Variants in RNF13 observed in about 807,000 individuals in gnomAD.
RNF13 encodes the protein ring finger protein 13.
A neutral mutation model predicts 37.7 loss-of-function variants in RNF13; 19 were observed. The observed-to-expected ratio is 0.50, with a 90% CI of 0.35 to 0.74. The LOEUF is 0.74. Ranked by LOEUF, RNF13 falls within the 30% of genes least tolerant of loss-of-function variation. The pLI is 0.01. For synonymous variants in RNF13, 144 were observed against 157.8 expected (o/e 0.91, Z 0.65); for missense variants, 375 against 453.0 (o/e 0.83, Z 1.56).
intron 2 of RNF13, among the ~76,000 whole-genome samples, chr3:149,850,160 A>G (rs1381544057): frequency 2.0e-5 from 3 of 152,010 alleles, no homozygotes; most frequent in Non-Finnish European, 4.4e-5. Flanking sequence ...TTGTATTTTT[A>G]GTAGAGATGG....
At chr3:149,949,553 A>C (rs183738265) in intron 8 of RNF13, among the ~76,000 whole-genome samples, 2 of 151,076 alleles carry the variant, frequency 1.3e-5, no homozygotes, top group Non-Finnish European at 2.9e-5. Context: ...ATTATCTGAG[A>C]TTCTTGAATT....
intron 5 of RNF13, among the ~76,000 whole-genome samples, chr3:149,901,743 A>T (rs541747294): frequency 1.3e-5 from 2 of 152,266 alleles, no homozygotes; most frequent in East Asian, 3.9e-4. Flanking sequence ...GAAAACCTAA[A>T]ATTTCTTCAT....
chr3:149,911,124 ATC>A (rs1352100837), intron 6 of RNF13, among the ~76,000 whole-genome samples: 1 of 152,198 alleles, frequency 6.6e-6, no homozygotes, highest in African/African-American at 2.4e-5. Flanking sequence ...TTCATTCCAT[ATC>A]TCATAGATAA....
chr3:149,849,656 A>G (rs1722955990), intron 2 of RNF13, among the ~76,000 whole-genome samples: 1 of 152,160 alleles, frequency 6.6e-6, no homozygotes, highest in Admixed American at 6.6e-5. Context: ...GGTTCTTCTA[A>G]TTTACCAGAG....
intron 8 of RNF13, among the ~76,000 whole-genome samples, chr3:149,950,598 C>T (rs1721226556): frequency 6.6e-6 from 1 of 152,078 alleles, no homozygotes; most frequent in Admixed American, 6.5e-5. Context: ...CCTCAGCCTC[C>T]TGAATAGCTG....
chr3:149,959,854 G>A, intron 8 of RNF13: 1 of 413,870 alleles, frequency 2.4e-6, no homozygotes, highest in Non-Finnish European at 4.3e-6. Flanking sequence ...AAACAAATTT[G>A]TCATCAATTT....
chr3:149,958,539 A>C (rs758456706), intron 8 of RNF13, among the ~76,000 whole-genome samples: 19 of 152,202 alleles, frequency 1.2e-4, no homozygotes, highest in Non-Finnish European at 2.6e-4. Context: ...TGAGCCTTAG[A>C]GCCTTGGCAC....
intron 5 of RNF13, among the ~76,000 whole-genome samples, chr3:149,900,793 CTT>C (rs1715749036): frequency 1.3e-5 from 2 of 151,892 alleles, no homozygotes; most frequent in Non-Finnish European, 2.9e-5. Context: ...TTTCTGCCCT[CTT>C]TGGGGCTTAC....
At chr3:149,853,601 A>G (rs183498812) in intron 3 of RNF13, among the ~76,000 whole-genome samples, 1 of 152,106 alleles carries the variant, frequency 6.6e-6, no homozygotes, top group East Asian at 1.9e-4. Context: ...TGTTTGCCAT[A>G]TATGCTTCAG....
At chr3:149,939,348 G>A (rs1223561129) in intron 8 of RNF13, 7 of 453,822 alleles carry the variant, frequency 1.5e-5, no homozygotes, top group Non-Finnish European at 2.9e-5. Flanking sequence ...TTTTTTCTGT[G>A]GAACTTTTCT....
In RNF13 at chr3:149,884,701, C is replaced by G. The variant is rs79513825; in HGVS notation, c.322-10772C>G. Among the ~76,000 whole-genome samples, 123 of 152,138 alleles carry G rather than the reference C, an allele frequency of 8.1e-4. 1 individual carries two copies. The highest frequency in any genetic ancestry group is 2.9e-3 in the African/African-American group (119 of 41,500). ...AACATGTAATGTATAATAATCACAT[C>G]ATAGAAAATGGAGTATCTATGACCT... On this transcript the variant is annotated intron_variant, in intron 4 of 9. Coordinates refer to ENST00000392894, the MANE Select transcript of RNF13 (RefSeq NM_183381.3).
intron 1 of RNF13, among the ~76,000 whole-genome samples, chr3:149,826,279 GTGGCTGCTACATTTGACCTTTA>G (rs1271724781): frequency 3.9e-5 from 6 of 152,230 alleles, no homozygotes; most frequent in Non-Finnish European, 7.3e-5. Flanking sequence ...CAGAGCCCAA[GTGGCTGCTACATTTGACCTTTA>G]TGGCAATAAT....
chr3:149,873,551 A>G (rs1197749809), intron 4 of RNF13, among the ~76,000 whole-genome samples: 8 of 152,126 alleles, frequency 5.3e-5, no homozygotes, highest in Non-Finnish European at 1.0e-4. Flanking sequence ...TGTTGCAGCC[A>G]TACTGCCTAC....
intron 4 of RNF13, among the ~76,000 whole-genome samples, chr3:149,886,493 T>A (rs1216181683): frequency 6.6e-6 from 1 of 152,200 alleles, no homozygotes; most frequent in Non-Finnish European, 1.5e-5. Context: ...GTAGTTTATT[T>A]GTGGATTCTT....
intron 8 of RNF13, among the ~76,000 whole-genome samples, chr3:149,947,392 T>A (rs1720867189): frequency 6.6e-6 from 1 of 151,998 alleles, no homozygotes; most frequent in African/African-American, 2.4e-5. Context: ...TTGCTGCTCA[T>A]TTCTTCTTTC....
At chr3:149,869,917 G>T (rs1158531129) in intron 3 of RNF13, among the ~76,000 whole-genome samples, 2 of 151,772 alleles carry the variant, frequency 1.3e-5, no homozygotes, top group Non-Finnish European at 2.9e-5. Flanking sequence ...TCCCAAAGGG[G>T]CAGTTCCCAA....
At chr3:149,889,292 C>CGTGCGTGTGTGTGT (rs1553761925) in intron 4 of RNF13, among the ~76,000 whole-genome samples, 6 of 138,122 alleles carry the variant, frequency 4.3e-5, no homozygotes. Flanking sequence ...TTTGAGTGTG[C>CGTGCGTGTGTGTGT]GTGTGTGTGT....
At chr3:149,926,365 C>T (rs528815986) in intron 8 of RNF13, among the ~76,000 whole-genome samples, 2 of 152,256 alleles carry the variant, frequency 1.3e-5, no homozygotes, top group South Asian at 2.1e-4. Context: ...GCGCCCGCCA[C>T]CATGCCTGGC....
intron 8 of RNF13, among the ~76,000 whole-genome samples, chr3:149,942,830 A>G (rs750859001): frequency 2.6e-5 from 4 of 152,162 alleles, no homozygotes; most frequent in Non-Finnish European, 5.9e-5. Flanking sequence ...TGTTAAATGT[A>G]GCCATCTCAT....
Sources: gnomAD v4.1 joint callset for allele counts (sites outside exome capture counted in the v4.1 genomes callset) on GRCh38, gnomAD v4.1.1 for gene constraint, MANE v1.5 for transcripts, NCBI Gene and HGNC (gene_info 2026-07-23, HGNC 2026-07-21) for gene names.